Variants in FGF13 observed in about 807,000 individuals in gnomAD.
The protein encoded by FGF13 is fibroblast growth factor 13, also known as fibroblast growth factor homologous factor 2.
A neutral mutation model predicts 19.5 loss-of-function variants in FGF13; 2 were observed. The ratio of observed to expected loss-of-function variants is 0.10; its 90% CI spans 0.04 to 0.32. The LOEUF (loss-of-function observed/expected upper bound fraction) is 0.32. Ranked by LOEUF, FGF13 falls within the 10% of genes least tolerant of loss-of-function variation. The pLI is 1.00. For synonymous variants in FGF13, 72 were observed against 76.9 expected, an observed-to-expected ratio of 0.94 and a Z score of 0.33; for missense variants, 113 against 192.7, an observed-to-expected ratio of 0.59 and a Z score of 2.45.
At position 138,775,257 on chromosome X, in the gene FGF13, G is replaced by C. The variant is rs190644068; in HGVS notation, c.218-66329C>G. 5.5e-3 allele frequency among the ~76,000 whole-genome samples: 618 copies of C among 112,296 alleles called. 4 individuals carry two copies. Among genetic ancestry groups the C allele is most frequent in the Non-Finnish European group, 8.0e-3 (426 of 53,250 alleles). On this transcript the variant is annotated intron_variant, in intron 3 of 6. Coordinates refer to the FGF13 transcript ENST00000436198. ...TACAGGCATGAGTCACTGTGCCCCA[G>C]CTCTTCGTGTTCTTTGAATGATTTA...
At chrX:138,670,871 C>G (rs1199228624) in intron 3 of FGF13, among the ~76,000 whole-genome samples, 1 of 111,391 alleles carries the variant, frequency 9.0e-6, no homozygotes, top group Non-Finnish European at 1.9e-5. Context: ...TTGAGTTAAT[C>G]TAGAAAATTC....
intron 1 of FGF13, among the ~76,000 whole-genome samples, chrX:139,181,552 G>A (rs1273867721): frequency 8.9e-6 from 1 of 112,425 alleles, no homozygotes; most frequent in Non-Finnish European, 1.9e-5. Context: ...TGCAGGGAAG[G>A]AAATGAACAC....
At chrX:139,184,549 A>AGATTTATTT (rs1400369821) in intron 1 of FGF13, among the ~76,000 whole-genome samples, 2 of 111,068 alleles carry the variant, frequency 1.8e-5, no homozygotes, top group Non-Finnish European at 3.8e-5. Flanking sequence ...ACACATTCCC[A>AGATTTATTT]GATTTATTTT....
intron 1 of FGF13, among the ~76,000 whole-genome samples, chrX:138,884,621 G>A (rs2091442979): frequency 8.9e-6 from 1 of 111,806 alleles, no homozygotes; most frequent in African/African-American, 3.2e-5. Flanking sequence ...TTATTGTCTT[G>A]GCTCCTGGTT....
chrX:138,746,986 T>C (rs184766343), intron 3 of FGF13, among the ~76,000 whole-genome samples: 17 of 111,501 alleles, frequency 1.5e-4, no homozygotes, highest in African/African-American at 3.9e-4. Context: ...TTTCATCTGT[T>C]TCCCTCGTAA....
At chrX:138,776,361 C>T (rs906568113) in intron 3 of FGF13, among the ~76,000 whole-genome samples, 4 of 112,054 alleles carry the variant, frequency 3.6e-5, no homozygotes, top group Non-Finnish European at 7.5e-5. Context: ...CTCGTAAGAA[C>T]CTTACGAGAT....
chrX:139,006,138 A>G (rs1281740703), intron 1 of FGF13, among the ~76,000 whole-genome samples: 3 of 111,555 alleles, frequency 2.7e-5, no homozygotes, highest in Non-Finnish European at 5.6e-5. Context: ...GCATTTAATA[A>G]TCAGACTCCC....
chrX:138,840,888 C>A (rs780491455), intron 3 of FGF13, among the ~76,000 whole-genome samples: 30 of 111,326 alleles, frequency 2.7e-4, no homozygotes, highest in African/African-American at 9.1e-4. Flanking sequence ...GCAAGGGGTT[C>A]TTTGCATTAG....
intron 4 of FGF13, among the ~76,000 whole-genome samples, chrX:138,634,845 C>A (rs1021404130): frequency 8.0e-5 from 9 of 111,868 alleles, no homozygotes; most frequent in Admixed American, 7.6e-4. Flanking sequence ...TATGGAGAAT[C>A]CTTAAAGAAC....
intron 1 of FGF13, among the ~76,000 whole-genome samples, chrX:139,131,669 C>T (rs906451137): frequency 9.0e-6 from 1 of 111,053 alleles, no homozygotes; most frequent in African/African-American, 3.3e-5. Flanking sequence ...CCCAGGAGAT[C>T]AAGACTGCGG....
Position 138,809,661 on chromosome X carries a change from C to T in FGF13, c.217+47851G>A, listed in dbSNP as rs186913810. ...AGAAAAGAGGAAGTCAAATTGTCCC[C>T]GTTTGCAGATGACATGATTGTGTAT... On this transcript the variant is annotated intron_variant, in intron 3 of 6. Transcript: ENST00000436198. Among the ~76,000 whole-genome samples the T allele has an allele frequency of 9.9e-5, 11 of 111,490 alleles. No individual in the cohort carries two copies. The East Asian group carries it at 2.3e-3, about 23-fold the overall frequency.
rs1464888957 is a variant in FGF13 at position 138,632,808 on chromosome X, A to T, written c.*42T>A. 2 of 1,172,854 alleles carry T rather than the reference A, an allele frequency of 1.7e-6. No homozygotes were observed. The highest frequency in any genetic ancestry group is 3.8e-5 in the South Asian group (2 of 52,378). ...GCTAGAAGAATTCAACAGCACCTGG[A>T]GGTAAGGTTCTGTTACAGAGCCCTT... On this transcript the variant is annotated 3_prime_UTR_variant, in exon 5 of 5. Coordinates refer to ENST00000315930, the MANE Select transcript of FGF13 (RefSeq NM_004114.5).
intron 1 of FGF13, among the ~76,000 whole-genome samples, chrX:139,092,843 A>G (rs1307802204): frequency 1.8e-5 from 2 of 111,791 alleles, no homozygotes; most frequent in Non-Finnish European, 3.8e-5. Context: ...TTCAGTGAAG[A>G]TATCTGCTAA....
At chrX:138,726,076 C>T (rs1441020390) in intron 1 of FGF13, among the ~76,000 whole-genome samples, 2 of 111,410 alleles carry the variant, frequency 1.8e-5, no homozygotes, top group Non-Finnish European at 3.8e-5. Flanking sequence ...TCTACTTCCA[C>T]ACCGATAAAA....
chrX:138,947,783 T>A (rs377491953), intron 1 of FGF13, among the ~76,000 whole-genome samples: 40 of 112,060 alleles, frequency 3.6e-4, no homozygotes, highest in African/African-American at 1.3e-3. Flanking sequence ...TAAACCCCAG[T>A]ACCTCGGAGG....
intron 1 of FGF13, among the ~76,000 whole-genome samples, chrX:138,983,742 G>A (rs1174853547): frequency 1.8e-5 from 2 of 110,854 alleles, no homozygotes; most frequent in African/African-American, 6.6e-5. Context: ...GTTCATTATA[G>A]TATTATTCAC....
intron 1 of FGF13, among the ~76,000 whole-genome samples, chrX:138,940,664 C>A (rs949128314): frequency 3.8e-4 from 42 of 111,504 alleles, no homozygotes; most frequent in African/African-American, 1.2e-3. Context: ...GCCAGTTATC[C>A]CAGCACCATT....
intron 1 of FGF13, among the ~76,000 whole-genome samples, chrX:139,015,128 A>C (rs1286107333): frequency 9.0e-6 from 1 of 111,102 alleles, no homozygotes; most frequent in African/African-American, 3.3e-5. Flanking sequence ...TGGGGAAAAA[A>C]CTGATAGCTT....
intron 3 of FGF13, among the ~76,000 whole-genome samples, chrX:138,827,519 G>T (rs890570688): frequency 9.0e-6 from 1 of 111,449 alleles, no homozygotes; most frequent in Non-Finnish European, 1.9e-5. Flanking sequence ...ATTTCATTTG[G>T]GTAACATATT....
Sources: allele counts gnomAD v4.1 joint callset (sites outside exome capture counted in the v4.1 genomes callset), GRCh38; gene constraint gnomAD v4.1.1; transcripts MANE v1.5; gene names NCBI Gene and HGNC (gene_info 2026-07-23, HGNC 2026-07-21).